Variants in XYLT1 observed in about 807,000 individuals in gnomAD.
XYLT1 encodes the protein xylosyltransferase 1.
A neutral mutation model predicts 91.3 loss-of-function variants in XYLT1; 36 were observed. The ratio of observed to expected loss-of-function variants is 0.39; its 90% CI spans 0.30 to 0.52. XYLT1 has a LOEUF of 0.52. Among genes scored for constraint, XYLT1 ranks in the 20% least tolerant of loss-of-function variants. The pLI, the probability that XYLT1 is intolerant of heterozygous loss-of-function variation, is 0.68. For synonymous variants in XYLT1, 588 were observed against 532.0 expected, an observed-to-expected ratio of 1.11 and a Z score of -1.45; for missense variants, 1,242 against 1,284.5, an observed-to-expected ratio of 0.97 and a Z score of 0.51.
At chr16:17,179,975 A>AAGCTCCACTG (rs1197219259) in intron 5 of XYLT1, among the ~76,000 whole-genome samples, 1 of 152,216 alleles carries the variant, frequency 6.6e-6, no homozygotes, top group Non-Finnish European at 1.5e-5. Context: ...GGGTGGGTTT[A>AAGCTCCACTG]AGCTCCACTG....
chr16:17,383,570 T>C (rs1025438168), intron 1 of XYLT1, among the ~76,000 whole-genome samples: 7 of 151,972 alleles, frequency 4.6e-5, no homozygotes, highest in African/African-American at 1.7e-4. Flanking sequence ...ATGGCAATGA[T>C]AAGATGAATG....
intron 6 of XYLT1, among the ~76,000 whole-genome samples, chr16:17,142,404 A>G (rs1296979177): frequency 6.8e-6 from 1 of 147,886 alleles, no homozygotes; most frequent in Non-Finnish European, 1.5e-5. Flanking sequence ...ATAACAAGAT[A>G]TCATGGCAGG....
intron 1 of XYLT1, among the ~76,000 whole-genome samples, chr16:17,383,873 G>A (rs898213201): frequency 1.3e-5 from 2 of 151,114 alleles, no homozygotes; most frequent in African/African-American, 4.9e-5. Flanking sequence ...TCAGCCTCTC[G>A]AGTAGCTGGG....
chr16:17,259,227 G>T lies in XYLT1; in HGVS notation c.674C>A (p.Ala225Asp). 1 of 1,614,032 alleles carries T rather than the reference G, an allele frequency of 6.2e-7. No homozygotes were observed. The highest frequency in any genetic ancestry group is 8.5e-7 in the Non-Finnish European group (1 of 1,179,984). ...CACATCCTTCCCGTGGCTGCTGTTGGCTGCGGCTCTGTCCCCGGGAGGCAG... is the reference window on the plus strand; with the variant it reads ...CACATCCTTCCCGTGGCTGCTGTTGTCTGCGGCTCTGTCCCCGGGAGGCAG... Reference protein sequence around the residue: ...EVLPPGDRAAANSSHGKDVSR... With the variant: ...EVLPPGDRAADNSSHGKDVSR... Residue 225 changes from alanine to aspartate, a missense_variant, in exon 3 of 12, where the codon GCC (alanine) becomes GAC (aspartate). Physicochemically the swap from Ala to Asp is moderately radical, Grantham distance 126. Transcript: ENST00000261381.
chr16:17,301,888 A>T (rs1017666468), intron 2 of XYLT1, among the ~76,000 whole-genome samples: 2 of 152,106 alleles, frequency 1.3e-5, no homozygotes, highest in East Asian at 3.9e-4. Context: ...TGGAGACCAC[A>T]TGGTCTGTTT....
At chr16:17,217,942 GAAT>G in intron 3 of XYLT1, among the ~76,000 whole-genome samples, 1 of 146,238 alleles carries the variant, frequency 6.8e-6, no homozygotes, top group Admixed American at 7.0e-5. Context: ...GTCTTATTTT[GAAT>G]AATAATAATA....
intron 6 of XYLT1, among the ~76,000 whole-genome samples, chr16:17,153,875 T>C (rs952176935): frequency 6.6e-6 from 1 of 152,196 alleles, no homozygotes; most frequent in Non-Finnish European, 1.5e-5. Flanking sequence ...TTCTTTCATC[T>C]GCACACCTCG....
intron 3 of XYLT1, among the ~76,000 whole-genome samples, chr16:17,204,445 G>A (rs1292131256): frequency 1.4e-5 from 2 of 146,068 alleles, no homozygotes; most frequent in Non-Finnish European, 3.0e-5. Context: ...AAAAAACCCA[G>A]AGCTCTTCTG....
chr16:17,378,190 T>C (rs1005003592), intron 1 of XYLT1, among the ~76,000 whole-genome samples: 1 of 152,130 alleles, frequency 6.6e-6, no homozygotes, highest in Admixed American at 6.5e-5. Flanking sequence ...TCCCCTATAA[T>C]TAAACACAAC....
chr16:17,402,117 A>G (rs1227998200), intron 1 of XYLT1, among the ~76,000 whole-genome samples: 2 of 147,790 alleles, frequency 1.4e-5, no homozygotes, highest in Non-Finnish European at 3.0e-5. Context: ...TGGACAACAT[A>G]GCAAAGCCCT....
intron 2 of XYLT1, among the ~76,000 whole-genome samples, chr16:17,314,841 A>C (rs1353415202): frequency 1.3e-5 from 2 of 152,222 alleles, no homozygotes; most frequent in Non-Finnish European, 2.9e-5. Context: ...TGACAGCTAG[A>C]AGCTTAGCCA....
rs185450443 is a variant in XYLT1, at chr16:17,332,487, G to A, written c.402+25525C>T. ...TGAGGCAGAAGAATCACTTGGACCCGGGAAGCGGAGGTTGCAGTGAGCCAA... is the reference window on the plus strand; with the variant it reads ...TGAGGCAGAAGAATCACTTGGACCCAGGAAGCGGAGGTTGCAGTGAGCCAA... On this transcript the variant is annotated intron_variant, in intron 2 of 11. Coordinates refer to ENST00000261381, the MANE Select transcript of XYLT1 (RefSeq NM_022166.4). Among the ~76,000 whole-genome samples, 278 of 151,894 alleles carry A rather than the reference G, an allele frequency of 1.8e-3. 1 individual carries two copies. Among genetic ancestry groups the A allele is most frequent in the African/African-American group, 6.2e-3 (257 of 41,406 alleles).
chr16:17,412,983 C>T (rs2036131313), intron 1 of XYLT1, among the ~76,000 whole-genome samples: 1 of 152,174 alleles, frequency 6.6e-6, no homozygotes, highest in Non-Finnish European at 1.5e-5. Flanking sequence ...CCAAGTGTGT[C>T]TGGAGAGATA....
chr16:17,260,152 A>G (rs2033702169), intron 2 of XYLT1, among the ~76,000 whole-genome samples: 1 of 151,952 alleles, frequency 6.6e-6, no homozygotes, highest in Admixed American at 6.6e-5. Context: ...ATGTGTGTAC[A>G]TGGAACAGAA....
intron 2 of XYLT1, among the ~76,000 whole-genome samples, chr16:17,314,628 G>GA: frequency 6.6e-6 from 1 of 152,240 alleles, no homozygotes; most frequent in South Asian, 2.1e-4. Flanking sequence ...CCCATTCCAG[G>GA]AAAGAAAGGC....
intron 5 of XYLT1, among the ~76,000 whole-genome samples, chr16:17,173,191 T>A (rs1385907016): frequency 6.6e-6 from 1 of 152,236 alleles, no homozygotes; most frequent in Non-Finnish European, 1.5e-5. Flanking sequence ...AATGGCTGCA[T>A]TGTAAAAACA....
intron 3 of XYLT1, among the ~76,000 whole-genome samples, chr16:17,257,810 G>C (rs979551854): frequency 1.3e-5 from 2 of 152,176 alleles, no homozygotes; most frequent in Admixed American, 1.3e-4. Context: ...GAGAGTGTTG[G>C]ATGTGATAAA....
At position 17,198,064 on chromosome 16, in the gene XYLT1, CA is replaced by C. The variant is rs1423502070; in HGVS notation, c.1289+147del. 6.3e-6 allele frequency: 5 copies of C among 794,922 alleles called. No individual in the cohort carries two copies. In the African/African-American group the frequency reaches 8.6e-5, roughly 14 times the overall value. 49.2% of individuals were successfully genotyped at this position (794,922 alleles called of 1,614,324 possible). Reference sequence around the variant, plus strand: ...TGCATGAATGAATGAGTGAATGAATCAATGATTCTCAGGTCCAATCAGAATC... The same window carrying C: ...TGCATGAATGAATGAGTGAATGAATCATGATTCTCAGGTCCAATCAGAATC... On this transcript the variant is annotated intron_variant, in intron 5 of 11. Transcript: ENST00000261381.
At chr16:17,336,766 T>C (rs933901127) in intron 2 of XYLT1, among the ~76,000 whole-genome samples, 1 of 152,168 alleles carries the variant, frequency 6.6e-6, no homozygotes, top group African/African-American at 2.4e-5. Context: ...ACAGGGACTT[T>C]CGTATGTGTG....
Sources: allele counts gnomAD v4.1 joint callset (sites outside exome capture counted in the v4.1 genomes callset), GRCh38; gene constraint gnomAD v4.1.1; transcripts MANE v1.5; gene names NCBI Gene and HGNC (gene_info 2026-07-23, HGNC 2026-07-21).